The following NOL10 variants were observed in gnomAD, a reference collection of about 807,000 sequenced individuals.
NOL10 encodes the protein H_NH0074G24.1.
NOL10 carries 58 observed loss-of-function variants against 103.5 expected under a neutral mutation model. That is an observed-to-expected ratio of 0.56 (90% CI 0.45 to 0.70). NOL10 has a LOEUF of 0.70. Ranked by LOEUF, NOL10 falls within the 30% of genes least tolerant of loss-of-function variation. The pLI, the probability that NOL10 is intolerant of heterozygous loss-of-function variation, is 0.00. For missense variants in NOL10, 763 were observed against 807.3 expected, an observed-to-expected ratio of 0.95 and a Z score of 0.67; for synonymous variants, 287 against 282.5, an observed-to-expected ratio of 1.02 and a Z score of -0.16.
chr2:10,652,997 AC>A (rs992664142), intron 12 of NOL10, among the ~76,000 whole-genome samples: 15 of 152,044 alleles, frequency 9.9e-5, no homozygotes, highest in African/African-American at 3.4e-4. Context: ...GGAGTTTAAG[AC>A]CAGCCTGGCC....
chr2:10,589,477 T>A (rs1675287732), intron 18 of NOL10, 101 bp downstream of exon 18: 1 of 1,210,622 alleles, frequency 8.3e-7, no homozygotes, highest in Non-Finnish European at 1.1e-6. Flanking sequence ...TAATATGGAA[T>A]TAATTACATC....
At chr2:10,588,846 C>T (rs35516187) in intron 19 of NOL10, among the ~76,000 whole-genome samples, 197 bp downstream of exon 19, 30,839 of 152,140 alleles carry the variant, frequency 0.2, 4,109 homozygotes, top group Non-Finnish European at 0.3. Context: ...TCAATAGCGA[C>T]GCTCCCCTCA....
intron 3 of NOL10, among the ~76,000 whole-genome samples, chr2:10,677,863 G>C (rs892699207): frequency 1.4e-5 from 2 of 140,966 alleles, no homozygotes; most frequent in Non-Finnish European, 3.0e-5. Context: ...GTGTGTGTGT[G>C]TGTGTGTGTA....
chr2:10,632,086 C>A (rs146609106), intron 13 of NOL10, among the ~76,000 whole-genome samples: 1 of 152,178 alleles, frequency 6.6e-6, no homozygotes, highest in African/African-American at 2.4e-5. Context: ...TCAAAGTACA[C>A]AACCATTATC....
At chr2:10,595,185 A>G (rs1675610672) in intron 17 of NOL10, among the ~76,000 whole-genome samples, 1 of 151,400 alleles carries the variant, frequency 6.6e-6, no homozygotes, top group Non-Finnish European at 1.5e-5. Flanking sequence ...AGAGATTTAT[A>G]CCAAAATAAT....
intron 13 of NOL10, chr2:10,622,250 C>A: frequency 2.2e-6 from 1 of 457,588 alleles, no homozygotes; most frequent in East Asian, 7.0e-5. Flanking sequence ...AAAAAGAGAG[C>A]TTGATTTACG....
In NOL10 at chr2:10,644,791, A is replaced by C. The variant is rs369358786; in HGVS notation, c.974-419T>G. 1.4e-4 allele frequency among the ~76,000 whole-genome samples: 22 copies of C among 152,346 alleles called. No individual in the cohort carries two copies. The East Asian group carries it at 3.1e-3, about 21-fold the overall frequency. ...AGAAAGCAAAACTGAAGAAAGAGATAACTTTCCGGCATTCAATAAAGGATT... is the reference window on the plus strand; with the variant it reads ...AGAAAGCAAAACTGAAGAAAGAGATCACTTTCCGGCATTCAATAAAGGATT... On this transcript the variant is annotated intron_variant, in intron 12 of 20. Coordinates refer to ENST00000381685, the MANE Select transcript of NOL10 (RefSeq NM_024894.4).
At chr2:10,590,901 A>G (rs1675358494) in intron 17 of NOL10, 1 of 152,192 alleles carries the variant, frequency 6.6e-6, no homozygotes, top group Non-Finnish European at 1.5e-5. Flanking sequence ...CAATCAGAGT[A>G]AACAGCCCTG....
chr2:10,620,489 C>T (rs988950284), intron 13 of NOL10, among the ~76,000 whole-genome samples: 6 of 152,092 alleles, frequency 3.9e-5, no homozygotes, highest in African/African-American at 1.4e-4. Context: ...ACTAGGAAAT[C>T]CTGAAGAACG....
intron 19 of NOL10, among the ~76,000 whole-genome samples, chr2:10,578,295 C>A (rs547152301): frequency 6.6e-5 from 10 of 152,200 alleles, no homozygotes; most frequent in Non-Finnish European, 1.5e-4. Context: ...CATCCCACAG[C>A]ATGAACAGCT....
At chr2:10,631,086 G>C (rs754454679) in intron 13 of NOL10, among the ~76,000 whole-genome samples, 4 of 152,210 alleles carry the variant, frequency 2.6e-5, no homozygotes, top group Non-Finnish European at 5.9e-5. Context: ...CACTTTAGAT[G>C]AAAGTGTGAT....
chr2:10,634,766 G>A (rs1044080051), intron 13 of NOL10, among the ~76,000 whole-genome samples: 1 of 152,216 alleles, frequency 6.6e-6, no homozygotes, highest in African/African-American at 2.4e-5. Flanking sequence ...AGGAGCCAGT[G>A]AAGACTGAAA....
intron 12 of NOL10, among the ~76,000 whole-genome samples, chr2:10,645,523 C>T (rs1678996749): frequency 6.9e-6 from 1 of 145,866 alleles, no homozygotes; most frequent in Non-Finnish European, 1.5e-5. Context: ...AGCAGGAACT[C>T]AATACTATCT....
intron 10 of NOL10, among the ~76,000 whole-genome samples, 186 bp downstream of exon 10, chr2:10,658,986 G>A (rs1315323170): frequency 2.6e-5 from 4 of 152,184 alleles, no homozygotes; most frequent in Admixed American, 2.0e-4. Flanking sequence ...CCACAGCACT[G>A]CAGACTGACC....
chr2:10,607,120 C>G (rs6744854), intron 14 of NOL10, 65 bp downstream of exon 14: 628,739 of 1,190,350 alleles, frequency 0.53, 169,978 homozygotes, highest in African/African-American at 0.74. Flanking sequence ...TTCTCATGTT[C>G]AAAACTCAAA....
intron 13 of NOL10, among the ~76,000 whole-genome samples, chr2:10,633,158 T>C (rs976891681): frequency 7.2e-5 from 11 of 152,152 alleles, no homozygotes; most frequent in Non-Finnish European, 1.3e-4. Flanking sequence ...AGCACAGTTG[T>C]CCTTGGCTCG....
At chr2:10,608,076 T>C (rs1453785471) in intron 13 of NOL10, among the ~76,000 whole-genome samples, 1 of 152,196 alleles carries the variant, frequency 6.6e-6, no homozygotes, top group Non-Finnish European at 1.5e-5. Context: ...CGTGAGGTGA[T>C]GCAAATGTTA....
intron 13 of NOL10, among the ~76,000 whole-genome samples, chr2:10,608,131 TATC>T (rs747150819): frequency 6.6e-6 from 1 of 152,086 alleles, no homozygotes; most frequent in Non-Finnish European, 1.5e-5. Flanking sequence ...TGTTTCAAAA[TATC>T]ATGCGGTACA....
intron 17 of NOL10, among the ~76,000 whole-genome samples, chr2:10,599,099 G>A (rs1675845778): frequency 2.0e-5 from 3 of 152,106 alleles, no homozygotes; most frequent in Non-Finnish European, 2.9e-5. Flanking sequence ...GGAAGGGAAG[G>A]GCACTTCTGC....
Sources: gnomAD v4.1 joint callset for allele counts (sites outside exome capture counted in the v4.1 genomes callset) on GRCh38, gnomAD v4.1.1 for gene constraint, MANE v1.5 for transcripts, NCBI Gene and HGNC (gene_info 2026-07-23, HGNC 2026-07-21) for gene names.